The following SSBP2 variants were observed in gnomAD, a reference collection of about 807,000 sequenced individuals.
SSBP2 encodes the protein single stranded DNA binding protein 2, also known as single-stranded DNA-binding protein 2.
In SSBP2, 17 loss-of-function variants were observed where a neutral mutation model predicts 61.8. The observed-to-expected ratio is 0.28, with a 90% CI of 0.19 to 0.41. The LOEUF (loss-of-function observed/expected upper bound fraction) is 0.41. Among genes scored for constraint, SSBP2 ranks in the 10% least tolerant of loss-of-function variants. The pLI is 1.00. For missense variants in SSBP2, 310 were observed against 458.7 expected, an observed-to-expected ratio of 0.68 and a Z score of 2.96; for synonymous variants, 139 against 141.3, an observed-to-expected ratio of 0.98 and a Z score of 0.12.
intron 4 of SSBP2, among the ~76,000 whole-genome samples, chr5:81,560,248 G>A (rs555164630): frequency 6.6e-6 from 1 of 152,188 alleles, no homozygotes; most frequent in South Asian, 2.1e-4. Flanking sequence ...CAAGAGTATA[G>A]GTAACTTTCA....
intron 5 of SSBP2, among the ~76,000 whole-genome samples, chr5:81,492,127 G>T (rs901851821): frequency 6.6e-6 from 1 of 152,202 alleles, no homozygotes; most frequent in Non-Finnish European, 1.5e-5. Flanking sequence ...ATCTGTCCAA[G>T]AGATTATGCT....
At chr5:81,477,396 T>A (rs895251903) in intron 6 of SSBP2, among the ~76,000 whole-genome samples, 6 of 152,210 alleles carry the variant, frequency 3.9e-5, no homozygotes, top group Non-Finnish European at 8.8e-5. Context: ...CAACTCCAAT[T>A]CCAATCTGAT....
chr5:81,640,591 A>T (rs560818361), intron 2 of SSBP2, among the ~76,000 whole-genome samples: 1 of 152,258 alleles, frequency 6.6e-6, no homozygotes, highest in Admixed American at 6.5e-5. Flanking sequence ...TTGGTTCATA[A>T]AAAATAAGAA....
Position 81,563,906 on chromosome 5 carries a change from T to C in SSBP2, c.283-50189A>G, listed in dbSNP as rs572915633. Among the ~76,000 whole-genome samples, 14 of 152,208 alleles carry C rather than the reference T, an allele frequency of 9.2e-5. No individual in the cohort carries two copies. The South Asian group carries it at 2.9e-3, about 32-fold the overall frequency. ...TAAGTGAGACTATATCAAACTAAAA[T>C]GGATAGCAAAGGTAACAATCAGTGG... is the stretch of plus-strand genomic sequence containing the variant. On this transcript the variant is annotated intron_variant, in intron 4 of 16. Transcript: ENST00000320672.
Position 81,467,413 on chromosome 5 carries a change from A to C in SSBP2, c.571-372T>G, listed in dbSNP as rs117612157. On this transcript the variant is annotated intron_variant, in intron 8 of 16. Transcript: ENST00000320672. ...TTTGAAAGAGTGATTCAATGTTTGAAATTGTCAGACCCAGCACAATGACAT... is the reference window on the plus strand; with the variant it reads ...TTTGAAAGAGTGATTCAATGTTTGACATTGTCAGACCCAGCACAATGACAT... Among the ~76,000 whole-genome samples the C allele has an allele frequency of 4.8e-4, 73 of 152,174 alleles. No homozygotes were observed. The East Asian group carries it at 0.014, about 28-fold the overall frequency.
intron 2 of SSBP2, among the ~76,000 whole-genome samples, chr5:81,645,057 C>A (rs2153696810): frequency 6.6e-6 from 1 of 152,198 alleles, no homozygotes; most frequent in South Asian, 2.1e-4. Context: ...TACTATAGGC[C>A]AGGCACTATT....
intron 12 of SSBP2, among the ~76,000 whole-genome samples, chr5:81,445,693 A>G (rs566766934): frequency 1.5e-4 from 23 of 152,318 alleles, no homozygotes; most frequent in Non-Finnish European, 7.4e-5. Flanking sequence ...TTTTATTGGT[A>G]TGATCAATGA....
intron 4 of SSBP2, among the ~76,000 whole-genome samples, chr5:81,558,514 T>C (rs1002837963): frequency 1.3e-4 from 7 of 52,640 alleles, no homozygotes; most frequent in Non-Finnish European, 2.3e-4. Flanking sequence ...AATATGAACA[T>C]GAATAAATAT....
At chr5:81,597,774 C>T (rs1322780376) in intron 4 of SSBP2, among the ~76,000 whole-genome samples, 11 of 147,496 alleles carry the variant, frequency 7.5e-5, no homozygotes, top group African/African-American at 5.0e-5. Flanking sequence ...AACCAAACAC[C>T]GCATGTTCTC....
intron 4 of SSBP2, among the ~76,000 whole-genome samples, chr5:81,598,436 G>A (rs1541996): frequency 2.6e-5 from 4 of 152,086 alleles, no homozygotes; most frequent in South Asian, 2.1e-4. Flanking sequence ...AGAGACAAGC[G>A]TTCCCTACTA....
intron 1 of SSBP2, among the ~76,000 whole-genome samples, chr5:81,732,085 A>T (rs1366249183): frequency 6.6e-6 from 1 of 152,106 alleles, no homozygotes; most frequent in African/African-American, 2.4e-5. Context: ...TAGTAATCCT[A>T]GAAATGCTAC....
chr5:81,590,446 T>G (rs148666092), intron 4 of SSBP2, among the ~76,000 whole-genome samples: 94 of 152,308 alleles, frequency 6.2e-4, no homozygotes, highest in African/African-American at 2.1e-3. Flanking sequence ...AAAGAGCTCA[T>G]CAAGGACAAG....
chr5:81,428,738 G>T, intron 15 of SSBP2, 55 bp from the exon 16 acceptor site: 1 of 1,278,172 alleles, frequency 7.8e-7, no homozygotes, highest in Non-Finnish European at 1.1e-6. Flanking sequence ...TTTCCCTCTT[G>T]CACTGTACTG....
At chr5:81,685,398 T>C (rs59261412) in intron 1 of SSBP2, among the ~76,000 whole-genome samples, 7,813 of 152,166 alleles carry the variant, frequency 0.051, 370 homozygotes, top group African/African-American at 0.12. Context: ...TATTCAGCAA[T>C]TGTAACAAAT....
chr5:81,744,532 G>A (rs192309615), intron 1 of SSBP2, among the ~76,000 whole-genome samples: 1 of 151,368 alleles, frequency 6.6e-6, no homozygotes, highest in Admixed American at 6.6e-5. Context: ...TAGATTTAAA[G>A]CTAATTAAAA....
At chr5:81,687,112 C>T (rs528833522) in intron 1 of SSBP2, among the ~76,000 whole-genome samples, 2 of 152,296 alleles carry the variant, frequency 1.3e-5, no homozygotes, top group African/African-American at 4.8e-5. Context: ...GTAGAAAAGA[C>T]AGTTTTGAAT....
chr5:81,433,515 C>T (rs1762469420), intron 15 of SSBP2, among the ~76,000 whole-genome samples: 2 of 150,760 alleles, frequency 1.3e-5, no homozygotes, highest in African/African-American at 2.4e-5. Context: ...TATCTGCTGA[C>T]CTTCCCTCCT....
At chr5:81,571,091 T>C (rs75637759) in intron 4 of SSBP2, among the ~76,000 whole-genome samples, 2,018 of 152,308 alleles carry the variant, frequency 0.013, 15 homozygotes, top group Non-Finnish European at 0.022. Flanking sequence ...ATTATCTTGG[T>C]TTCTTTTGTG....
intron 10 of SSBP2, among the ~76,000 whole-genome samples, chr5:81,449,651 T>C (rs1047011080): frequency 6.6e-6 from 1 of 152,170 alleles, no homozygotes; most frequent in Non-Finnish European, 1.5e-5. Flanking sequence ...TGCTATATAA[T>C]TAAACACAAA....
Sources: allele counts gnomAD v4.1 joint callset (sites outside exome capture counted in the v4.1 genomes callset), GRCh38; gene constraint gnomAD v4.1.1; transcripts MANE v1.5; gene names NCBI Gene and HGNC (gene_info 2026-07-23, HGNC 2026-07-21).